The following NOXRED1 variants were observed in gnomAD, a reference collection of about 807,000 sequenced individuals.
NOXRED1 encodes NADP dependent oxidoreductase domain containing 1.
NOXRED1 carries 20 observed loss-of-function variants against 30.4 expected under a neutral mutation model. The observed-to-expected ratio is 0.66, with a 90% CI of 0.46 to 0.96. The LOEUF (loss-of-function observed/expected upper bound fraction) is 0.96, where lower values mean the gene tolerates loss of function less well. NOXRED1 is among the 40% of genes least tolerant of loss of function. The pLI, the probability that NOXRED1 is intolerant of heterozygous loss-of-function variation, is 0.00. For synonymous variants in NOXRED1, 155 were observed against 168.0 expected, an observed-to-expected ratio of 0.92 and a Z score of 0.60; for missense variants, 374 against 428.0, an observed-to-expected ratio of 0.87 and a Z score of 1.11.
Position 77,417,561 on chromosome 14 carries a change from A to G in NOXRED1, c.156-3434T>C, listed in dbSNP as rs982848208. On this transcript the variant is annotated intron_variant, in intron 1 of 5. Transcript: ENST00000380835. ...CATGACAGTTTTTGACTTAAAACCT[A>G]TTTTGTCTGATACAAGTATGACTAC... is the stretch of plus-strand genomic sequence containing the variant. Among the ~76,000 whole-genome samples the G allele has an allele frequency of 6.6e-5, 10 of 152,154 alleles. 1 individual carries two copies. Among genetic ancestry groups the G allele is most frequent in the African/African-American group, 2.4e-4 (10 of 41,438 alleles).
chr14:77,413,529 G>A (rs984955358), intron 2 of NOXRED1, among the ~76,000 whole-genome samples: 4 of 151,972 alleles, frequency 2.6e-5, no homozygotes, highest in African/African-American at 4.8e-5. Context: ...GAGCCACCGC[G>A]CCCGACCACA....
intron 1 of NOXRED1, among the ~76,000 whole-genome samples, chr14:77,416,392 G>T (rs1248910366): frequency 6.6e-6 from 1 of 152,142 alleles, no homozygotes; most frequent in Admixed American, 6.6e-5. Flanking sequence ...AGATTAGGGA[G>T]TGGTGATGAC....
chr14:77,396,485 G>C (rs1238800827), intron 5 of NOXRED1, among the ~76,000 whole-genome samples: 1 of 152,046 alleles, frequency 6.6e-6, no homozygotes, highest in Non-Finnish European at 1.5e-5. Flanking sequence ...CTGACCTCAG[G>C]TGATTCACCT....
intron 2 of NOXRED1, 149 bp from the exon 3 acceptor site, chr14:77,407,794 CCTT>C (rs1894519016): frequency 1.6e-6 from 1 of 609,334 alleles, no homozygotes. Flanking sequence ...TTCCTACAGA[CCTT>C]CTAAAAGCCA....
intron 5 of NOXRED1, among the ~76,000 whole-genome samples, chr14:77,405,081 C>A (rs918197233): frequency 1.3e-5 from 2 of 152,176 alleles, no homozygotes; most frequent in Admixed American, 1.3e-4. Flanking sequence ...AATACTGGTA[C>A]AAGTGCACAA....
At chr14:77,407,746 C>G in intron 2 of NOXRED1, 101 bp from the exon 3 acceptor site, 1 of 786,964 alleles carries the variant, frequency 1.3e-6, no homozygotes, top group South Asian at 1.7e-5. Flanking sequence ...CTCAGTAAAT[C>G]AACCCATCTT....
At chr14:77,415,181 AACAC>A (rs57039967) in intron 1 of NOXRED1, among the ~76,000 whole-genome samples, 6,065 of 149,454 alleles carry the variant, frequency 0.041, 414 homozygotes, top group African/African-American at 0.14. Context: ...GTCTCAGGAA[AACAC>A]ACACACACAC....
At chr14:77,417,797 G>A (rs1446051125) in intron 1 of NOXRED1, among the ~76,000 whole-genome samples, 5 of 151,830 alleles carry the variant, frequency 3.3e-5, no homozygotes, top group African/African-American at 1.2e-4. Context: ...ATTACTGATA[G>A]GGAAGGACTT....
chr14:77,401,501 G>A (rs1190369355), intron 5 of NOXRED1, among the ~76,000 whole-genome samples: 3 of 152,194 alleles, frequency 2.0e-5, no homozygotes, highest in Non-Finnish European at 4.4e-5. Flanking sequence ...CTTGAGACCA[G>A]CCTGGGCAAC....
chr14:77,409,906 C>T (rs1205093880), intron 2 of NOXRED1, among the ~76,000 whole-genome samples: 3 of 150,470 alleles, frequency 2.0e-5, no homozygotes, highest in Non-Finnish European at 2.9e-5. Context: ...CTCCTGGGTT[C>T]GAGCAATTCT....
At chr14:77,411,195 A>G (rs139137451) in intron 2 of NOXRED1, among the ~76,000 whole-genome samples, 7 of 152,230 alleles carry the variant, frequency 4.6e-5, no homozygotes, top group African/African-American at 1.7e-4. Context: ...TCAGCTGGGC[A>G]TGGTGGCTCA....
At position 77,406,022 on chromosome 14, in the gene NOXRED1, A is replaced by G. The variant is rs1894448543; in HGVS notation, c.796T>C (p.Phe266Leu). 1 of 1,613,566 alleles carries G rather than the reference A, an allele frequency of 6.2e-7. No homozygotes were observed. Among genetic ancestry groups the G allele is most frequent in the Non-Finnish European group, 8.5e-7 (1 of 1,179,524 alleles). ...SQVLQLLSEL[F>L]LSVHFEDCGK... ...CAGTCTTCAAAGTGCACGGAGAGAA[A>G]GAGTTCACTCAGAAGCTGCAGCACT... Residue 266 changes from phenylalanine to leucine, a missense_variant, in exon 5 of 6, where the codon TTT (phenylalanine) becomes CTT (leucine). Phe to Leu is a conservative substitution (Grantham distance 22). Coordinates refer to ENST00000380835, the MANE Select transcript of NOXRED1 (RefSeq NM_001113475.3).
intron 1 of NOXRED1, among the ~76,000 whole-genome samples, chr14:77,416,954 T>C (rs1364533593): frequency 3.9e-5 from 6 of 152,252 alleles, no homozygotes; most frequent in Admixed American, 1.3e-4. Flanking sequence ...AGTTTGCTCA[T>C]AGTACTGCTT....
At position 77,398,541 on chromosome 14, in the gene NOXRED1, C is replaced by T. The variant is rs556572556; in HGVS notation, c.906-3736G>A. On this transcript the variant is annotated intron_variant, in intron 5 of 5. Transcript: ENST00000380835. ...TCCAGCCCACTTTAGCCATCCTGTT[C>T]CACTGAAGAAGGAGAAAAATCCTGA... is the stretch of plus-strand genomic sequence containing the variant. 2.0e-5 allele frequency among the ~76,000 whole-genome samples: 3 copies of T among 152,184 alleles called. No individual in the cohort carries two copies. The East Asian group carries it at 5.8e-4, about 29-fold the overall frequency.
At chr14:77,418,933 T>A (rs1032992849) in intron 1 of NOXRED1, among the ~76,000 whole-genome samples, 3 of 152,230 alleles carry the variant, frequency 2.0e-5, no homozygotes, top group African/African-American at 7.2e-5. Flanking sequence ...GAGAGCTTTT[T>A]ATTTTTGTAT....
chr14:77,416,809 A>C (rs176774), intron 1 of NOXRED1, among the ~76,000 whole-genome samples: 2 of 141,370 alleles, frequency 1.4e-5, no homozygotes, highest in Non-Finnish European at 1.6e-5. Flanking sequence ...CCTCCCGGAC[A>C]GGGCGGCTGG....
chr14:77,411,753 C>A (rs1164791892), intron 2 of NOXRED1, among the ~76,000 whole-genome samples: 4 of 152,038 alleles, frequency 2.6e-5, no homozygotes, highest in African/African-American at 9.7e-5. Context: ...CGTGTCAAAA[C>A]ATCAAATTGT....
At chr14:77,394,856 A>G (rs1894140327) in intron 5 of NOXRED1, 51 bp from the exon 6 acceptor site, 1 of 1,366,288 alleles carries the variant, frequency 7.3e-7, no homozygotes, top group Admixed American at 2.0e-5. Context: ...AGTATATCTG[A>G]TTTGGCTGTT....
Position 77,422,918 on chromosome 14 carries a change from G to A in NOXRED1, c.-29C>T. The A allele has an allele frequency of 6.3e-7, 1 of 1,593,384 alleles. No individual in the cohort carries two copies. Among genetic ancestry groups the A allele is most frequent in the Non-Finnish European group, 8.6e-7 (1 of 1,169,504 alleles). On this transcript the variant is annotated 5_prime_UTR_variant, in exon 1 of 6. Coordinates refer to ENST00000380835, the MANE Select transcript of NOXRED1 (RefSeq NM_001113475.3). Reference sequence around the variant, plus strand: ...CAAGCCACTATTTCCTGCAGTGATAGACACTAATCAATTTGGCTCCCTGTC... The same window carrying A: ...CAAGCCACTATTTCCTGCAGTGATAAACACTAATCAATTTGGCTCCCTGTC...
Sources: gnomAD v4.1 joint callset for allele counts (sites outside exome capture counted in the v4.1 genomes callset) on GRCh38, gnomAD v4.1.1 for gene constraint, MANE v1.5 for transcripts, NCBI Gene and HGNC (gene_info 2026-07-23, HGNC 2026-07-21) for gene names.